Variants in MAJIN observed in about 807,000 individuals in gnomAD.
MAJIN encodes membrane anchored junction protein.
Under a neutral mutation model 30.2 loss-of-function variants are expected in MAJIN, and 27 were observed. The ratio of observed to expected loss-of-function variants is 0.89; its 90% CI spans 0.66 to 1.23. The LOEUF (loss-of-function observed/expected upper bound fraction) is 1.23, where lower values mean the gene tolerates loss of function less well. Among genes scored for constraint, MAJIN ranks in the 50% most tolerant of loss-of-function variants. MAJIN has a pLI of 0.00. For synonymous variants in MAJIN, 78 were observed against 91.6 expected, an observed-to-expected ratio of 0.85 and a Z score of 0.85; for missense variants, 253 against 260.3, an observed-to-expected ratio of 0.97 and a Z score of 0.19.
At chr11:64,967,829 T>C (rs1451293047) in intron 1 of MAJIN, among the ~76,000 whole-genome samples, 1 of 151,906 alleles carries the variant, frequency 6.6e-6, no homozygotes, top group Non-Finnish European at 1.5e-5. Flanking sequence ...TTTCAGGAGG[T>C]GTGGAGAGCA....
intron 4 of MAJIN, among the ~76,000 whole-genome samples, chr11:64,953,056 A>C (rs997882272): frequency 1.2e-4 from 19 of 152,164 alleles, no homozygotes; most frequent in African/African-American, 4.6e-4. Flanking sequence ...TCTGACCCCA[A>C]ACTAGTGAGC....
At chr11:64,953,084 A>G (rs1370546589) in intron 4 of MAJIN, among the ~76,000 whole-genome samples, 1 of 152,198 alleles carries the variant, frequency 6.6e-6, no homozygotes, top group East Asian at 1.9e-4. Flanking sequence ...AAAGATGCAT[A>G]TGCATATCAA....
chr11:64,943,320 TAAC>T (rs1945405668), intron 8 of MAJIN, among the ~76,000 whole-genome samples: 1 of 152,222 alleles, frequency 6.6e-6, no homozygotes, highest in Non-Finnish European at 1.5e-5. Flanking sequence ...GGACCTGAAG[TAAC>T]AAAGGCAAGG....
rs138842828 is a variant in MAJIN at position 64,941,745 on chromosome 11, G to T, written c.474-1099C>A. 3.3e-4 allele frequency among the ~76,000 whole-genome samples: 51 copies of T among 152,332 alleles called. No individual in the cohort carries two copies. The East Asian group carries it at 7.5e-3, about 22-fold the overall frequency. On this transcript the variant is annotated intron_variant, in intron 8 of 10. Coordinates refer to ENST00000301896, the MANE Select transcript of MAJIN (RefSeq NM_001037225.3). ...TGCTGAAAGGACGTTAATGGAGCAG[G>T]TGGTGTTAGTCAAGGAAGGCTTCAC...
chr11:64,967,339 G>A (rs1346014442), intron 1 of MAJIN, among the ~76,000 whole-genome samples: 1 of 152,088 alleles, frequency 6.6e-6, no homozygotes, highest in Non-Finnish European at 1.5e-5. Context: ...TCAGGAAGCA[G>A]AGGGTGCAAT....
At chr11:64,969,330 C>T (rs1055521081) in intron 1 of MAJIN, among the ~76,000 whole-genome samples, 4 of 151,968 alleles carry the variant, frequency 2.6e-5, no homozygotes, top group African/African-American at 4.8e-5. Context: ...TGTGAAACTA[C>T]TGGAATAGAT....
intron 3 of MAJIN, among the ~76,000 whole-genome samples, 171 bp from the exon 4 acceptor site, chr11:64,954,973 T>C (rs139242503): frequency 1.3e-5 from 2 of 152,358 alleles, no homozygotes; most frequent in African/African-American, 2.4e-5. Context: ...CTAGGTGGCG[T>C]GGTCTGAACA....
intron 1 of MAJIN, among the ~76,000 whole-genome samples, chr11:64,963,795 C>T (rs932282694): frequency 2.6e-5 from 4 of 152,114 alleles, no homozygotes; most frequent in Non-Finnish European, 4.4e-5. Context: ...ACCAAGATTG[C>T]GCCACTGCAC....
At chr11:64,951,337 T>C (rs1053674752) in intron 4 of MAJIN, among the ~76,000 whole-genome samples, 2 of 152,242 alleles carry the variant, frequency 1.3e-5, no homozygotes, top group African/African-American at 4.8e-5. Context: ...TTAAGCTATA[T>C]GCTTATTAGT....
intron 6 of MAJIN, among the ~76,000 whole-genome samples, chr11:64,948,756 A>G (rs1342731960): frequency 1.4e-5 from 2 of 138,802 alleles, no homozygotes; most frequent in African/African-American, 5.4e-5. Flanking sequence ...TCCCGGGTTC[A>G]AGCGATTCTT....
At chr11:64,971,474 GGAAGGA>G (rs1315328972) in intron 1 of MAJIN, among the ~76,000 whole-genome samples, 2 of 151,124 alleles carry the variant, frequency 1.3e-5, no homozygotes, top group Admixed American at 6.6e-5. Context: ...GGGGGGGCGG[GGAAGGA>G]GGAGGAGGAG....
chr11:64,956,541 CA>C (rs1249555499), intron 3 of MAJIN, among the ~76,000 whole-genome samples: 1 of 151,736 alleles, frequency 6.6e-6, no homozygotes, highest in Non-Finnish European at 1.5e-5. Context: ...ATTCAAAGAA[CA>C]ACAAAGACCA....
At chr11:64,939,541 G>T in intron 10 of MAJIN, 121 bp downstream of exon 10, 1 of 799,976 alleles carries the variant, frequency 1.3e-6, no homozygotes, top group Non-Finnish European at 2.0e-6. Flanking sequence ...ATCTATCCTA[G>T]ACATAAGTGA....
At chr11:64,951,764 C>CAAAAA (rs11329539) in intron 4 of MAJIN, among the ~76,000 whole-genome samples, 1 of 95,890 alleles carries the variant, frequency 1.0e-5, no homozygotes, top group Admixed American at 9.9e-5. Flanking sequence ...AACCTTGTCT[C>CAAAAA]AAAAAAAAAA....
chr11:64,946,564 T>G (rs962429406), intron 8 of MAJIN, among the ~76,000 whole-genome samples: 7 of 152,156 alleles, frequency 4.6e-5, no homozygotes, highest in African/African-American at 1.4e-4. Context: ...TTCACCTACA[T>G]GTGCATCTGG....
At chr11:64,950,466 G>T in intron 4 of MAJIN, 36 bp from the exon 5 acceptor site, 2 of 1,567,122 alleles carry the variant, frequency 1.3e-6, no homozygotes, top group Non-Finnish European at 1.8e-6. Flanking sequence ...TAACACTGTT[G>T]AGTCTCAGCC....
intron 4 of MAJIN, among the ~76,000 whole-genome samples, chr11:64,953,763 C>A (rs1198247757): frequency 6.6e-6 from 1 of 152,088 alleles, no homozygotes; most frequent in East Asian, 1.9e-4. Flanking sequence ...TGCACTCCAG[C>A]CTGGTGACAG....
chr11:64,940,694 G>T (rs372952370), intron 8 of MAJIN, 48 bp from the exon 9 acceptor site: 1 of 1,531,772 alleles, frequency 6.5e-7, no homozygotes. Context: ...CTCCTACACT[G>T]CATGGCAATC....
intron 1 of MAJIN, among the ~76,000 whole-genome samples, chr11:64,967,413 G>T (rs918783402): frequency 5.4e-5 from 8 of 148,878 alleles, no homozygotes; most frequent in Admixed American, 3.4e-4. Flanking sequence ...TCTCAAAAAA[G>T]AAAAAGAAAA....
Sources: gnomAD v4.1 joint callset for allele counts (sites outside exome capture counted in the v4.1 genomes callset) on GRCh38, gnomAD v4.1.1 for gene constraint, MANE v1.5 for transcripts, NCBI Gene and HGNC (gene_info 2026-07-23, HGNC 2026-07-21) for gene names.